The following GNG12 variants were observed in gnomAD, a reference collection of about 807,000 sequenced individuals.
GNG12 encodes the protein G protein subunit gamma 12.
For missense variants in GNG12, 69 were observed against 83.8 expected, an observed-to-expected ratio of 0.82 and a Z score of 0.69; for synonymous variants, 28 against 29.7, an observed-to-expected ratio of 0.94 and a Z score of 0.19.
At chr1:67,763,120 A>AGAGAGAGAGAGAGAGAG (rs1553157312) in intron 2 of GNG12, among the ~76,000 whole-genome samples, 93 of 151,192 alleles carry the variant, frequency 6.2e-4, no homozygotes, top group South Asian at 1.5e-3. Context: ...AGAGAGAGAG[A>AGAGAGAGAGAGAGAGAG]ATCAATATGA....
rs1646224330 is a variant in GNG12, at chr1:67,702,978, G to C, written c.*2473C>G. 1 of 152,184 alleles carries C rather than the reference G, an allele frequency of 6.6e-6. No individual in the cohort carries two copies. 9.4% of individuals were successfully genotyped at this position (152,184 alleles called of 1,614,324 possible). A position where few individuals can be genotyped will look rare whatever the true frequency, so the allele number is the denominator to read the frequency against. ...TAACATAAACCAACTGTTGCAGACA[G>C]TTAAACTGTGGCTTTGTAAGGAGAA... On this transcript the variant is annotated 3_prime_UTR_variant, in exon 4 of 4. Coordinates refer to ENST00000370982, the MANE Select transcript of GNG12 (RefSeq NM_018841.6).
intron 1 of GNG12, among the ~76,000 whole-genome samples, chr1:67,824,563 T>C (rs980927354): frequency 6.7e-6 from 1 of 150,140 alleles, no homozygotes; most frequent in East Asian, 1.9e-4. Context: ...TTGTAGGGAA[T>C]TCTTGTAAGA....
At chr1:67,707,975 C>T (rs1646260169) in intron 2 of GNG12, among the ~76,000 whole-genome samples, 1 of 152,180 alleles carries the variant, frequency 6.6e-6, no homozygotes, top group African/African-American at 2.4e-5. Context: ...ACATATAACA[C>T]AAAACTAGAC....
intron 2 of GNG12, among the ~76,000 whole-genome samples, chr1:67,744,303 G>A (rs530300784): frequency 2.6e-5 from 4 of 152,190 alleles, no homozygotes; most frequent in East Asian, 1.9e-4. Context: ...CTGGTTCCCC[G>A]GGTGCCTACT....
At chr1:67,705,738 A>C (rs1390970309) in intron 3 of GNG12, among the ~76,000 whole-genome samples, 162 bp from the exon 4 acceptor site, 1 of 152,216 alleles carries the variant, frequency 6.6e-6, no homozygotes, top group African/African-American at 2.4e-5. Context: ...TAAAAAGGAA[A>C]TGGTACCTTT....
At chr1:67,793,386 T>C (rs1646812426) in intron 1 of GNG12, among the ~76,000 whole-genome samples, 1 of 152,248 alleles carries the variant, frequency 6.6e-6, no homozygotes, top group African/African-American at 2.4e-5. Flanking sequence ...TTTCCATGTA[T>C]TTCTTTAAAG....
chr1:67,805,096 C>T (rs1300242091), intron 1 of GNG12, among the ~76,000 whole-genome samples: 1 of 152,134 alleles, frequency 6.6e-6, no homozygotes, highest in Non-Finnish European at 1.5e-5. Context: ...CTCCTGTTAC[C>T]CTGTCCCACC....
intron 1 of GNG12, among the ~76,000 whole-genome samples, chr1:67,817,344 T>C (rs1241595825): frequency 6.6e-6 from 1 of 152,202 alleles, no homozygotes; most frequent in Non-Finnish European, 1.5e-5. Flanking sequence ...CCTTGTGAAG[T>C]AGGTAAGTAC....
At chr1:67,822,280 T>C (rs1335188074) in intron 1 of GNG12, among the ~76,000 whole-genome samples, 12 of 151,572 alleles carry the variant, frequency 7.9e-5, no homozygotes, top group Admixed American at 7.9e-4. Flanking sequence ...AGTCAAAAGA[T>C]TGGACACCCC....
intron 2 of GNG12, among the ~76,000 whole-genome samples, chr1:67,761,981 TC>T (rs994796143): frequency 6.6e-6 from 1 of 152,122 alleles, no homozygotes; most frequent in African/African-American, 2.4e-5. Context: ...ACCTAGAGCT[TC>T]CCAGGTCTTG....
intron 1 of GNG12, among the ~76,000 whole-genome samples, chr1:67,780,593 A>G (rs1249834621): frequency 6.6e-6 from 1 of 152,194 alleles, no homozygotes; most frequent in African/African-American, 2.4e-5. Flanking sequence ...CATTGAAAGG[A>G]TAGGAGCCAA....
intron 2 of GNG12, among the ~76,000 whole-genome samples, chr1:67,756,796 C>A (rs1474585901): frequency 1.3e-5 from 2 of 152,190 alleles, no homozygotes; most frequent in African/African-American, 4.8e-5. Flanking sequence ...TATCAAGAAG[C>A]TGGGCCAATC....
At chr1:67,716,358 T>A (rs1280724848) in intron 2 of GNG12, among the ~76,000 whole-genome samples, 1 of 152,196 alleles carries the variant, frequency 6.6e-6, no homozygotes. Context: ...AGGGTACATG[T>A]CCCTGAATAA....
chr1:67,731,050 T>A (rs1405149543), intron 2 of GNG12, among the ~76,000 whole-genome samples: 2 of 152,178 alleles, frequency 1.3e-5, no homozygotes, highest in East Asian at 3.8e-4. Flanking sequence ...TCACTCTCCT[T>A]GCTGCTCCTC....
intron 1 of GNG12, among the ~76,000 whole-genome samples, chr1:67,810,591 T>TA (rs770286189): frequency 4.9e-4 from 75 of 152,286 alleles, no homozygotes; most frequent in Non-Finnish European, 9.1e-4. Context: ...TTATTAAAAC[T>TA]AAAAAAAGAT....
intron 2 of GNG12, among the ~76,000 whole-genome samples, chr1:67,743,191 T>C (rs925055348): frequency 6.6e-6 from 1 of 152,130 alleles, no homozygotes; most frequent in Admixed American, 6.5e-5. Flanking sequence ...CCTAGGAGAA[T>C]AGGAGTAGGG....
intron 2 of GNG12, among the ~76,000 whole-genome samples, chr1:67,743,471 C>T (rs150497120): frequency 8.1e-4 from 124 of 152,270 alleles, no homozygotes; most frequent in Middle Eastern, 3.4e-3. Context: ...GCTGCTAATA[C>T]CGCCAAATGC....
intron 2 of GNG12, among the ~76,000 whole-genome samples, chr1:67,756,323 C>G (rs1280528180): frequency 6.6e-6 from 1 of 152,104 alleles, no homozygotes; most frequent in Non-Finnish European, 1.5e-5. Context: ...TTATAAAAAG[C>G]TAATTCTGAC....
At chr1:67,832,960 G>A (rs1395356717) in intron 1 of GNG12, among the ~76,000 whole-genome samples, 2 of 152,294 alleles carry the variant, frequency 1.3e-5, no homozygotes, top group African/African-American at 2.4e-5. Context: ...CCGCAGGCTG[G>A]CGAGGAGGCA....
Sources: allele counts gnomAD v4.1 joint callset (sites outside exome capture counted in the v4.1 genomes callset), GRCh38; gene constraint gnomAD v4.1.1; transcripts MANE v1.5; gene names NCBI Gene and HGNC (gene_info 2026-07-23, HGNC 2026-07-21).